The following CCL24 variants were observed in gnomAD, a reference collection of about 807,000 sequenced individuals.
CCL24 encodes C-C motif chemokine ligand 24.
A neutral mutation model predicts 8.6 loss-of-function variants in CCL24; 6 were observed. That is an observed-to-expected ratio of 0.70 (90% confidence interval 0.38 to 1.38). The LOEUF (loss-of-function observed/expected upper bound fraction) is 1.38, where lower values mean the gene tolerates loss of function less well. Ranked by LOEUF, CCL24 falls within the 40% of genes most tolerant of loss-of-function variation. CCL24 has a pLI of 0.02. For missense variants in CCL24, 126 were observed against 147.1 expected (o/e 0.86, Z 0.74); for synonymous variants, 59 against 52.7 (o/e 1.12, Z -0.52).
intron 2 of CCL24, among the ~76,000 whole-genome samples, chr7:75,812,663 A>C (rs11465303): frequency 0.23 from 34,686 of 152,002 alleles, 4,501 homozygotes; most frequent in Non-Finnish European, 0.29. Context: ...CTCCTGGTGG[A>C]TCACGCCTGT....
chr7:75,817,361 G>A (rs995664510), upstream of CCL24, among the ~76,000 whole-genome samples: 5 of 151,986 alleles, frequency 3.3e-5, no homozygotes, highest in Admixed American at 2.0e-4. Flanking sequence ...TAAATAGGGC[G>A]GGGATGCCTG....
At chr7:75,820,267 C>A (rs1387388171) in intron 1 of CCL24, among the ~76,000 whole-genome samples, 1 of 151,792 alleles carries the variant, frequency 6.6e-6, no homozygotes, top group Non-Finnish European at 1.5e-5. Flanking sequence ...CAACCTCCAA[C>A]TCCCTGGTTC....
Position 75,813,657 on chromosome 7 carries a change from T to C in CCL24, c.59A>G (p.His20Arg). The C allele has an allele frequency of 6.2e-7, 1 of 1,613,838 alleles. No homozygotes were observed. ...GGAGGTCTTACCCGTAGGGATGATG[T>C]GGTGGGCACAGACACCAAGGAACAG... Reference protein sequence around the residue: ...SLLFLGVCAHHIIPTGSVVIP... With the variant: ...SLLFLGVCAHRIIPTGSVVIP... The change falls in exon 1 of 3, where the codon CAC (histidine) becomes CGC (arginine). Residue 20 changes from histidine (H) to arginine (R), a missense_variant. Transcript: ENST00000222902.
chr7:75,822,824 A>G (rs905524528), intron 1 of CCL24, among the ~76,000 whole-genome samples: 13 of 152,086 alleles, frequency 8.5e-5, no homozygotes, highest in Non-Finnish European at 5.9e-5. Flanking sequence ...GCAAGACTCA[A>G]TCTCCAAAAA....
intron 1 of CCL24, 61 bp downstream of exon 1, chr7:75,813,582 G>T: frequency 4.8e-6 from 7 of 1,473,668 alleles, no homozygotes; most frequent in Non-Finnish European, 4.8e-6. Context: ...GGTCAGTCCT[G>T]CACCCCCCAC....
chr7:75,818,075 C>T (rs1434416402), upstream of CCL24, among the ~76,000 whole-genome samples: 1 of 151,954 alleles, frequency 6.6e-6, no homozygotes, highest in Non-Finnish European at 1.5e-5. Context: ...AAGTGATTCG[C>T]CCACCTCGGC....
At chr7:75,819,285 A>T (rs1803962924) in intron 1 of CCL24, among the ~76,000 whole-genome samples, 3 of 24,132 alleles carry the variant, frequency 1.2e-4, no homozygotes, top group Admixed American at 7.0e-4. Flanking sequence ...AAAAAAAAAA[A>T]AAAAAAAAAA....
chr7:75,816,280 A>C (rs1554534125), upstream of CCL24, among the ~76,000 whole-genome samples: 1 of 152,172 alleles, frequency 6.6e-6, no homozygotes, highest in Admixed American at 6.6e-5. Context: ...CTGCGTGTAC[A>C]CAAGGTAAGT....
At chr7:75,820,172 T>TCCTCCTC (rs1804015517) in intron 1 of CCL24, among the ~76,000 whole-genome samples, 1 of 145,842 alleles carries the variant, frequency 6.9e-6, no homozygotes, top group Non-Finnish European at 1.5e-5. Context: ...TCCTTCTCCT[T>TCCTCCTC]CTCCTTCTCC....
upstream of CCL24, chr7:75,813,836 G>C (rs551454599): frequency 5.7e-6 from 4 of 696,066 alleles, no homozygotes; most frequent in Admixed American, 4.4e-5. Context: ...TGCCCTTTAT[G>C]GGGCAACTAG....
chr7:75,813,490 T>C, intron 1 of CCL24, 67 bp from the exon 2 acceptor site: 1 of 1,335,126 alleles, frequency 7.5e-7, no homozygotes. Context: ...GCCTCAGAGC[T>C]GGAGCTTGAA....
intron 2 of CCL24, among the ~76,000 whole-genome samples, 199 bp from the exon 3 acceptor site, chr7:75,812,163 C>T (rs531285725): frequency 5.9e-5 from 9 of 152,000 alleles, no homozygotes; most frequent in Non-Finnish European, 1.3e-4. Flanking sequence ...TAACTCACTG[C>T]AGCCTCAAAT....
At chr7:75,812,405 T>C (rs1417349145) in intron 2 of CCL24, among the ~76,000 whole-genome samples, 1 of 152,130 alleles carries the variant, frequency 6.6e-6, no homozygotes, top group African/African-American at 2.4e-5. Context: ...GTATTTCTAT[T>C]TCATGCCTCT....
intron 1 of CCL24, among the ~76,000 whole-genome samples, chr7:75,820,313 G>C (rs113446740): frequency 0.13 from 19,429 of 151,552 alleles, 1,463 homozygotes; most frequent in Non-Finnish European, 0.17. Context: ...CGAGTAGCTG[G>C]GATTACAGGC....
At chr7:75,816,590 C>G (rs1435524015), upstream of CCL24, among the ~76,000 whole-genome samples, 1 of 150,294 alleles carries the variant, frequency 6.7e-6, no homozygotes, top group Non-Finnish European at 1.5e-5. Context: ...GATACGGAGT[C>G]TCTCTCTGTC....
Position 75,812,031 on chromosome 7 carries a change from C to A in CCL24, c.192-67G>T. ...GACCTTGGGCCACTCCACTTCATGG[C>A]GGGGGGGATGTGGACGCCCAGAGAC... is the stretch of plus-strand genomic sequence containing the variant. On this transcript the variant is annotated intron_variant, in intron 2 of 2. Transcript: ENST00000222902. The A allele has an allele frequency of 2.9e-6, 4 of 1,393,068 alleles. No homozygotes were observed. The South Asian group carries it at 3.8e-5, about 13-fold the overall frequency. The allele number at this position is 1,393,068 out of a possible 1,614,324, so 86.3% of individuals were successfully genotyped here.
chr7:75,813,611 C>A (rs1317798413), intron 1 of CCL24, 32 bp downstream of exon 1: 3 of 1,582,574 alleles, frequency 1.9e-6, no homozygotes. Flanking sequence ...CCCAGCCATG[C>A]CCTTGGAACT....
At chr7:75,812,931 A>G (rs554893546) in intron 2 of CCL24, among the ~76,000 whole-genome samples, 31 of 140,812 alleles carry the variant, frequency 2.2e-4, no homozygotes, top group African/African-American at 6.5e-4. Context: ...GTCTCAGGGG[A>G]AAAAAAAAAA....
rs1803751472 is a variant in CCL24, at chr7:75,811,258, C to T, written c.*538G>A. ...CTTTGGGAGGCCGAGGCAGGTAGATCACTTGAGGCCAGGAGTTTGAGACCA... is the reference window on the plus strand; with the variant it reads ...CTTTGGGAGGCCGAGGCAGGTAGATTACTTGAGGCCAGGAGTTTGAGACCA... On this transcript the variant is annotated 3_prime_UTR_variant, in exon 3 of 3. Transcript: ENST00000222902. Among the ~76,000 whole-genome samples the T allele has an allele frequency of 6.6e-6, 1 of 151,390 alleles. No individual in the cohort carries two copies. The highest frequency in any genetic ancestry group is 2.4e-5 in the African/African-American group (1 of 41,184).
Sources: gnomAD v4.1 joint callset for allele counts (sites outside exome capture counted in the v4.1 genomes callset) on GRCh38, gnomAD v4.1.1 for gene constraint, MANE v1.5 for transcripts, NCBI Gene and HGNC (gene_info 2026-07-23, HGNC 2026-07-21) for gene names.